Variants in DNAH17 observed in about 807,000 individuals in gnomAD.
DNAH17 encodes axonemal beta dynein heavy chain 17.
Under a neutral mutation model 485.6 loss-of-function variants are expected in DNAH17, and 376 were observed. The observed-to-expected ratio is 0.77, with a 90% CI of 0.71 to 0.84. The LOEUF is 0.84. Among genes scored for constraint, DNAH17 ranks in the 40% least tolerant of loss-of-function variants. The pLI is 0.00. For synonymous variants in DNAH17, 3,031 were observed against 2,405.9 expected, an observed-to-expected ratio of 1.26 and a Z score of -7.60; for missense variants, 6,370 against 5,839.3, an observed-to-expected ratio of 1.09 and a Z score of -2.96.
At chr17:78,568,321 G>A (rs1318024638) in intron 9 of DNAH17, among the ~76,000 whole-genome samples, 3 of 152,154 alleles carry the variant, frequency 2.0e-5, no homozygotes, top group South Asian at 2.1e-4. Context: ...ACTCCTGAGC[G>A]GGCCTCCCTC....
chr17:78,559,796 G>A (rs547762994), intron 13 of DNAH17, among the ~76,000 whole-genome samples: 5 of 151,880 alleles, frequency 3.3e-5, no homozygotes, highest in African/African-American at 7.3e-5. Context: ...CTTCTCCTAC[G>A]ACCTTCCCCT....
intron 69 of DNAH17, 134 bp downstream of exon 69, chr17:78,449,280 T>C (rs920077990): frequency 1.2e-6 from 1 of 861,552 alleles, no homozygotes. Flanking sequence ...CACCTGGGTA[T>C]ATTGCTAAAA....
intron 25 of DNAH17, among the ~76,000 whole-genome samples, chr17:78,518,574 C>T (rs2090849829): frequency 6.6e-6 from 1 of 152,152 alleles, no homozygotes; most frequent in African/African-American, 2.4e-5. Flanking sequence ...ACCCCACTCT[C>T]AGCAGTTTAT....
chr17:78,576,234 A>G (rs963096902), intron 1 of DNAH17, among the ~76,000 whole-genome samples: 1 of 152,240 alleles, frequency 6.6e-6, no homozygotes, highest in Non-Finnish European at 1.5e-5. Context: ...AAGACACGTA[A>G]TACCACGGAA....
chr17:78,446,045 A>G lies in DNAH17; in HGVS notation c.11212-365T>C, dbSNP rs1479033148. 4.6e-5 allele frequency among the ~76,000 whole-genome samples: 7 copies of G among 151,768 alleles called. No homozygotes were observed. The South Asian group carries it at 1.3e-3, about 27-fold the overall frequency. On this transcript the variant is annotated intron_variant, in intron 69 of 80. Coordinates refer to ENST00000389840, the MANE Select transcript of DNAH17 (RefSeq NM_173628.4). ...AAAAATTAGCCGGGCGTGGTGGTGC[A>G]TGCCTGTAGTCCTAGCTACTCGGGA...
chr17:78,532,911 T>C, intron 19 of DNAH17, 175 bp from the exon 20 acceptor site: 1 of 692,738 alleles, frequency 1.4e-6, no homozygotes, highest in Non-Finnish European at 2.3e-6. Context: ...GGCAACCTGG[T>C]GGTCCCCCAC....
intron 56 of DNAH17, among the ~76,000 whole-genome samples, chr17:78,464,595 G>A (rs1206697561): frequency 2.0e-5 from 3 of 152,260 alleles, no homozygotes; most frequent in South Asian, 4.1e-4. Context: ...GAGACTGCAA[G>A]AGAATGTCGG....
At chr17:78,535,652 G>A (rs1300820683) in intron 19 of DNAH17, among the ~76,000 whole-genome samples, 2 of 152,162 alleles carry the variant, frequency 1.3e-5, no homozygotes, top group African/African-American at 2.4e-5. Flanking sequence ...ACGCAGAAAT[G>A]CATGAGAGGA....
intron 25 of DNAH17, among the ~76,000 whole-genome samples, chr17:78,516,604 C>T (rs139861202): frequency 6.7e-6 from 1 of 150,174 alleles, no homozygotes; most frequent in East Asian, 2.0e-4. Context: ...GCAGGAGAAT[C>T]GCTTGAACCT....
Position 78,428,711 on chromosome 17 carries a change from A to G in DNAH17, c.12406-4T>C. 4.3e-6 allele frequency: 7 copies of G among 1,612,938 alleles called. No homozygotes were observed. The highest frequency in any genetic ancestry group is 5.9e-6 in the Non-Finnish European group (7 of 1,179,088). ...CATCGATGTATTCGTGGTAACCCTG[A>G]AAAAGAGGGCAGTTTGTAAGCAGAG... On this transcript the variant is annotated splice_polypyrimidine_tract_variant and splice_region_variant and intron_variant, in intron 76 of 80. Transcript: ENST00000389840.
intron 25 of DNAH17, among the ~76,000 whole-genome samples, chr17:78,518,018 T>C (rs1486906642): frequency 1.3e-5 from 2 of 152,212 alleles, no homozygotes; most frequent in Non-Finnish European, 2.9e-5. Flanking sequence ...TAAAGCGCTA[T>C]GTTCAGAATC....
chr17:78,551,398 T>C, intron 16 of DNAH17, 137 bp downstream of exon 16: 1 of 697,618 alleles, frequency 1.4e-6, no homozygotes. Context: ...ATCCTACCGG[T>C]GGAGAGCACT....
chr17:78,570,879 G>GAAAAAAAAAAAAA (rs1186425349), intron 6 of DNAH17, 69 bp downstream of exon 6: 1 of 465,952 alleles, frequency 2.1e-6, no homozygotes, highest in African/African-American at 3.0e-5. Context: ...AAAAAAAAAA[G>GAAAAAAAAAAAAA]AAAAAAGAAA....
At chr17:78,575,108 C>T (rs868674872) in intron 1 of DNAH17, 26 bp from the exon 2 acceptor site, 22 of 1,458,502 alleles carry the variant, frequency 1.5e-5, no homozygotes, top group Middle Eastern at 3.8e-4. Flanking sequence ...GAAACAGGTA[C>T]GAACTGTCTC....
Position 78,486,444 on chromosome 17 carries a change from A to G in DNAH17, c.6881T>C (p.Leu2294Pro). Residue 2294 changes from leucine (L) to proline (P), a missense_variant, in exon 45 of 81, where the codon CTC (leucine) becomes CCC (proline). By Grantham distance (98) the Leu-to-Pro change is moderately conservative (BLOSUM62 -3). Coordinates refer to ENST00000389840, the MANE Select transcript of DNAH17 (RefSeq NM_173628.4). ...VQSEKANLMI[L>P]FDKYLPTCLD... ...GCACGTGGGCAGGTACTTGTCAAAG[A>G]GGATCATCAGGTTGGCCTTCTCCGA... 6.2e-7 allele frequency: 1 copy of G among 1,613,570 alleles called. No individual in the cohort carries two copies. The highest frequency in any genetic ancestry group is 8.5e-7 in the Non-Finnish European group (1 of 1,179,866).
intron 25 of DNAH17, among the ~76,000 whole-genome samples, chr17:78,524,759 G>A (rs544560968): frequency 4.6e-5 from 7 of 152,240 alleles, no homozygotes; most frequent in South Asian, 4.2e-4. Flanking sequence ...GACGAAGGGA[G>A]GGGAAAAAAG....
At chr17:78,557,673 G>A (rs1007600386) in intron 14 of DNAH17, among the ~76,000 whole-genome samples, 30 of 122,402 alleles carry the variant, frequency 2.5e-4, no homozygotes, top group Non-Finnish European at 4.2e-4. Flanking sequence ...AGTAACGTAA[G>A]CCAAAGCCCA....
chr17:78,461,682 C>T lies in DNAH17; in HGVS notation c.9201G>A (p.Ala3067=), dbSNP rs746129508. 1.2e-5 allele frequency: 19 copies of T among 1,610,072 alleles called. No individual in the cohort carries two copies. Among genetic ancestry groups the T allele is most frequent in the South Asian group, 2.2e-5 (2 of 90,400 alleles). Residue 3067 remains alanine (A), a synonymous_variant, in exon 58 of 81, where the codon GCG becomes GCA. Coordinates refer to ENST00000389840, the MANE Select transcript of DNAH17 (RefSeq NM_173628.4). ...SQVDDLKAKL[A]IQEAELKQKN... Reference sequence around the variant, plus strand: ...TCTGCTTGAGCTCAGCCTCCTGAATCGCCAACTTGGCTTTCAAATCATCCA... The same window carrying T: ...TCTGCTTGAGCTCAGCCTCCTGAATTGCCAACTTGGCTTTCAAATCATCCA...
rs148530186 is a variant in DNAH17 at position 78,467,254 on chromosome 17, G to C, written c.8779-438C>G. The stretch of plus-strand genomic sequence containing the variant: ...TCCCAGCTGGAGAAGGTGCTGTGGA[G>C]ACAGGCCTGGGGGGCTCTCTGGCTA... On this transcript the variant is annotated intron_variant, in intron 55 of 80. Coordinates refer to ENST00000389840, the MANE Select transcript of DNAH17 (RefSeq NM_173628.4). 3.1e-3 allele frequency among the ~76,000 whole-genome samples: 473 copies of C among 152,348 alleles called. 2 individuals carry two copies. Among genetic ancestry groups the C allele is most frequent in the African/African-American group, 0.011 (462 of 41,590 alleles).
Sources: allele counts gnomAD v4.1 joint callset (sites outside exome capture counted in the v4.1 genomes callset), GRCh38; gene constraint gnomAD v4.1.1; transcripts MANE v1.5; gene names NCBI Gene and HGNC (gene_info 2026-07-23, HGNC 2026-07-21).